The following GRM2 variants were observed in gnomAD, a reference collection of about 807,000 sequenced individuals.
The protein encoded by GRM2 is glutamate metabotropic receptor 2.
A neutral mutation model predicts 60.4 loss-of-function variants in GRM2; 35 were observed. That is an observed-to-expected ratio of 0.58 (90% CI 0.44 to 0.77). GRM2 has a LOEUF of 0.77. GRM2 is among the 30% of genes least tolerant of loss of function. The pLI is 0.00. For synonymous variants in GRM2, 437 were observed against 484.1 expected, an observed-to-expected ratio of 0.90 and a Z score of 1.28; for missense variants, 925 against 1,199.5, an observed-to-expected ratio of 0.77 and a Z score of 3.38.
chr3:51,712,882 C>T lies in GRM2; in HGVS notation c.860C>T (p.Ala287Val), dbSNP rs973355460. 4 of 1,613,010 alleles carry T rather than the reference C, an allele frequency of 2.5e-6. No individual in the cohort carries two copies. The highest frequency in any genetic ancestry group is 3.4e-6 in the Non-Finnish European group (4 of 1,180,026). The change falls in exon 3 of 6, where the codon GCC becomes GTC. Residue 287 changes from alanine to valine, a missense_variant. Coordinates refer to ENST00000395052, the MANE Select transcript of GRM2 (RefSeq NM_000839.5). This position sits in a 1 kb window ranked among gnomAD's most constrained non-coding sequence, Gnocchi z 5.3. ...CTTGCTGCCAGCCAGCGCCTCAATG[C>T]CAGCTTCACCTGGGTGGCCAGTGAT... ...ELLAASQRLN[A>V]SFTWVASDGW...
At position 51,713,837 on chromosome 3, in the gene GRM2, G is replaced by T; in HGVS notation, c.1288+527G>T. The stretch of plus-strand genomic sequence containing the variant: ...AGTGGTTATTCACAGGCACAATACA[G>T]CCTCCAACTCCTGGGCTCAAGCGAT... On this transcript the variant is annotated intron_variant, in intron 3 of 5. Transcript: ENST00000395052. The surrounding 1 kb of genome is among the most constrained non-coding windows in gnomAD (Gnocchi z 4.8). 1 of 339,184 alleles carries T rather than the reference G, an allele frequency of 2.9e-6. No homozygotes were observed. Among genetic ancestry groups the T allele is most frequent in the Non-Finnish European group, 6.0e-6 (1 of 166,212 alleles). The allele number at this position is 339,184 out of a possible 1,614,324, so 21.0% of individuals were successfully genotyped here.
At position 51,713,670 on chromosome 3, in the gene GRM2, G is replaced by T. The variant is rs553002541; in HGVS notation, c.1288+360G>T. Reference sequence around the variant, plus strand: ...CCAAGAGTTAGAATCAGTCTGGCTTGAGGGTGAGCATCAGGATGACGCTCT... The same window carrying T: ...CCAAGAGTTAGAATCAGTCTGGCTTTAGGGTGAGCATCAGGATGACGCTCT... On this transcript the variant is annotated intron_variant, in intron 3 of 5. Transcript: ENST00000395052. This position sits in a 1 kb window ranked among gnomAD's most constrained non-coding sequence, Gnocchi z 4.8. 1.1e-4 allele frequency: 36 copies of T among 329,384 alleles called. No homozygotes were observed. The South Asian group carries it at 1.5e-3, about 14-fold the overall frequency. The allele number at this position is 329,384 out of a possible 1,614,324, so 20.4% of individuals were successfully genotyped here. A position where few individuals can be genotyped will look rare whatever the true frequency, so the allele number is the denominator to read the frequency against.
rs1181365335 is a variant in GRM2, at chr3:51,713,826, G to T, written c.1288+516G>T. 1 of 297,454 alleles carries T rather than the reference G, an allele frequency of 3.4e-6. No homozygotes were observed. The highest frequency in any genetic ancestry group is 6.8e-6 in the Non-Finnish European group (1 of 146,136). 18.4% of individuals were successfully genotyped at this position (297,454 alleles called of 1,614,324 possible). ...GGCTGGAGTGCAGTGGTTATTCACA[G>T]GCACAATACAGCCTCCAACTCCTGG... is the stretch of plus-strand genomic sequence containing the variant. On this transcript the variant is annotated intron_variant, in intron 3 of 5. Transcript: ENST00000395052. The surrounding 1 kb of genome is among the most constrained non-coding windows in gnomAD (Gnocchi z 4.8).
chr3:51,715,963 C>T lies in GRM2; in HGVS notation c.2190C>T (p.Gly730=), dbSNP rs144440968. Residue 730 remains glycine, a synonymous_variant, in exon 4 of 6, where the codon GGC becomes GGT. Coordinates refer to ENST00000395052, the MANE Select transcript of GRM2 (RefSeq NM_000839.5). This position sits in a 1 kb window ranked among gnomAD's most constrained non-coding sequence, Gnocchi z 9.0. ...RCNHRDASML[G]SLAYNVLLIA... is the part of the protein sequence containing the mutation. ...ACCACCGCGATGCAAGTATGTTGGG[C>T]TCGCTGGCCTACAATGTGCTCCTCA... 141 of 1,614,162 alleles carry T rather than the reference C, an allele frequency of 8.7e-5. 1 individual carries two copies. In the East Asian group the frequency reaches 2.7e-3, roughly 30 times the overall value.
chr3:51,710,092 T>G (rs1703659973), intron 2 of GRM2, among the ~76,000 whole-genome samples: 1 of 151,544 alleles, frequency 6.6e-6, no homozygotes, highest in South Asian at 2.1e-4. Flanking sequence ...CGGGTTTAAG[T>G]GATTCTCCTG....
intron 2 of GRM2, among the ~76,000 whole-genome samples, chr3:51,709,717 C>A (rs1409654021): frequency 0.12 from 3 of 26 alleles, no homozygotes; most frequent in African/African-American, 0.21. Context: ...ACACAGCCCC[C>A]CACACACCCA....
Position 51,713,520 on chromosome 3 carries a change from C to A in GRM2, c.1288+210C>A. The A allele has an allele frequency of 1.8e-6, 1 of 558,766 alleles. No homozygotes were observed. The highest frequency in any genetic ancestry group is 3.2e-6 in the Non-Finnish European group (1 of 314,294). The allele number at this position is 558,766 out of a possible 1,614,324, so 34.6% of individuals were successfully genotyped here. A position where few individuals can be genotyped will look rare whatever the true frequency, so the allele number is the denominator to read the frequency against. ...GTTCCACTTTCTTCCAGAGAGTAGA[C>A]CTCTGGCCTGGTCCCGCCATTTTGA... On this transcript the variant is annotated intron_variant, in intron 3 of 5. Transcript: ENST00000395052. This position sits in a 1 kb window ranked among gnomAD's most constrained non-coding sequence, Gnocchi z 4.8.
intron 2 of GRM2, among the ~76,000 whole-genome samples, chr3:51,709,830 GACACACACACCCTCACAC>G (rs1432186662): frequency 1.3e-4 from 1 of 7,488 alleles, no homozygotes; most frequent in Non-Finnish European, 2.4e-4. Context: ...CACACACCCA[GACACACACACCCTCACAC>G]ACACACACAC....
At position 51,712,399 on chromosome 3, in the gene GRM2, T is replaced by G. The variant is rs577276870; in HGVS notation, c.451-74T>G. ...GTGGACACTTGACACCAAGACCTGC[T>G]AGCTGTGGGGGATGCACCTGTCTCT... On this transcript the variant is annotated intron_variant, in intron 2 of 5. Transcript: ENST00000395052. This position sits in a 1 kb window ranked among gnomAD's most constrained non-coding sequence, Gnocchi z 5.3. The G allele has an allele frequency of 4.1e-5, 40 of 968,440 alleles. No homozygotes were observed. In the South Asian group the frequency reaches 5.7e-4, roughly 14 times the overall value. The allele number at this position is 968,440 out of a possible 1,614,324, so 60.0% of individuals were successfully genotyped here.
In GRM2 at chr3:51,716,389, G is replaced by C. The variant is rs1703899553; in HGVS notation, c.2364+252G>C. 6.6e-6 allele frequency among the ~76,000 whole-genome samples: 1 copy of C among 152,178 alleles called. No individual in the cohort carries two copies. Among genetic ancestry groups the C allele is most frequent in the Admixed American group, 6.5e-5 (1 of 15,278 alleles). ...TTGAATGTCATCCCCTATCCTGGAA[G>C]GTGATGGGGGTGCAGAAATATGTTC... On this transcript the variant is annotated intron_variant, in intron 4 of 5. Coordinates refer to ENST00000395052, the MANE Select transcript of GRM2 (RefSeq NM_000839.5). The surrounding 1 kb of genome is among the most constrained non-coding windows in gnomAD (Gnocchi z 4.0).
chr3:51,708,616 T>C, intron 1 of GRM2: 1 of 195,862 alleles, frequency 5.1e-6, no homozygotes, highest in Non-Finnish European at 1.0e-5. Flanking sequence ...TCCCCACTGC[T>C]GAGTTTGGTA....
Position 51,713,431 on chromosome 3 carries a change from G to C in GRM2, c.1288+121G>C, listed in dbSNP as rs1201091386. 1 of 730,518 alleles carries C rather than the reference G, an allele frequency of 1.4e-6. No individual in the cohort carries two copies. The highest frequency in any genetic ancestry group is 2.8e-5 in the Admixed American group (1 of 35,952). The allele number at this position is 730,518 out of a possible 1,614,324, so 45.3% of individuals were successfully genotyped here. On this transcript the variant is annotated intron_variant, in intron 3 of 5. Coordinates refer to ENST00000395052, the MANE Select transcript of GRM2 (RefSeq NM_000839.5). This position sits in a 1 kb window ranked among gnomAD's most constrained non-coding sequence, Gnocchi z 4.8. ...GAGTGAAAGTAAAGGACTCACCTGG[G>C]GTGGCGTCAGAGCAAGGGCAAGGAT...
Position 51,713,956 on chromosome 3 carries a change from C to T in GRM2, c.1288+646C>T, listed in dbSNP as rs780339586. On this transcript the variant is annotated intron_variant, in intron 3 of 5. Coordinates refer to ENST00000395052, the MANE Select transcript of GRM2 (RefSeq NM_000839.5). This position sits in a 1 kb window ranked among gnomAD's most constrained non-coding sequence, Gnocchi z 4.8. ...ATTTCTATTCCTAATCTTGATTTTC[C>T]ACTCAAGGTGACCTGAAAGTCTCCT... 4.4e-6 allele frequency: 2 copies of T among 454,580 alleles called. No homozygotes were observed. Among genetic ancestry groups the T allele is most frequent in the Admixed American group, 2.4e-5 (1 of 42,354 alleles). The allele number at this position is 454,580 out of a possible 1,614,324, so 28.2% of individuals were successfully genotyped here.
In GRM2 at chr3:51,715,051, C is replaced by G. The variant is rs202116019; in HGVS notation, c.1289-11C>G. On this transcript the variant is annotated splice_polypyrimidine_tract_variant and intron_variant, in intron 3 of 5. Coordinates refer to ENST00000395052, the MANE Select transcript of GRM2 (RefSeq NM_000839.5). This position sits in a 1 kb window ranked among gnomAD's most constrained non-coding sequence, Gnocchi z 9.0. ...AGTCCAACCTTCTCTTCCTTCCCTC[C>G]CCCATCCTAGCCCCCTTTCGCCCAG... 1.3e-6 allele frequency: 2 copies of G among 1,510,648 alleles called. No individual in the cohort carries two copies. Among genetic ancestry groups the G allele is most frequent in the Non-Finnish European group, 1.8e-6 (2 of 1,115,056 alleles). The allele number at this position is 1,510,648 out of a possible 1,614,324, so 93.6% of individuals were successfully genotyped here. A position where few individuals can be genotyped will look rare whatever the true frequency, so the allele number is the denominator to read the frequency against.
chr3:51,707,791 C>CA (rs1703561547), intron 1 of GRM2: 1 of 152,346 alleles, frequency 6.6e-6, no homozygotes, highest in African/African-American at 2.4e-5. Flanking sequence ...TCTTCAAACT[C>CA]AGTTTCCTTT....
Position 51,715,907 on chromosome 3 carries a change from G to A in GRM2, c.2134G>A (p.Glu712Lys), listed in dbSNP as rs761266932. 5.6e-6 allele frequency: 9 copies of A among 1,613,524 alleles called. No individual in the cohort carries two copies. Among genetic ancestry groups the A allele is most frequent in the South Asian group, 2.2e-5 (2 of 91,080 alleles). The change falls in exon 4 of 6, where the codon GAA becomes AAA. Residue 712 changes from glutamate (E) to lysine (K), a missense_variant. Transcript: ENST00000395052. The surrounding 1 kb of genome is among the most constrained non-coding windows in gnomAD (Gnocchi z 9.0). ...APGTGKETAP[E>K]RREVVTLRCN... is the part of the protein sequence containing the mutation. The stretch of plus-strand genomic sequence containing the variant: ...GGGCACAGGCAAGGAGACAGCCCCC[G>A]AACGGCGGGAGGTGGTGACACTGCG...
intron 2 of GRM2, among the ~76,000 whole-genome samples, chr3:51,709,679 CA>C: frequency 2.1e-5 from 1 of 48,238 alleles, no homozygotes. Flanking sequence ...CACACACACA[CA>C]CACACCCCAC....
At position 51,709,091 on chromosome 3, in the gene GRM2, G is replaced by A. The variant is rs1703600253; in HGVS notation, c.108G>A (p.Gly36=). The A allele has an allele frequency of 1.7e-5, 28 of 1,609,952 alleles. No homozygotes were observed. Among genetic ancestry groups the A allele is most frequent in the Non-Finnish European group, 2.4e-5 (28 of 1,177,198 alleles). The change falls in exon 2 of 6, where the codon GGG becomes GGA. Residue 36 remains glycine (G), a synonymous_variant. Coordinates refer to ENST00000395052, the MANE Select transcript of GRM2 (RefSeq NM_000839.5). ...TGGAGGGAGACTTGGTGCTGGGTGG[G>A]CTGTTCCCAGTGCACCAGAAGGGCG... is the stretch of plus-strand genomic sequence containing the variant. The part of the protein sequence containing the change: ...LTLEGDLVLG[G]LFPVHQKGGP...
chr3:51,718,353 G>A lies in GRM2; in HGVS notation c.*241G>A, dbSNP rs1703977087. On this transcript the variant is annotated 3_prime_UTR_variant, in exon 6 of 6. Coordinates refer to ENST00000395052, the MANE Select transcript of GRM2 (RefSeq NM_000839.5). The surrounding 1 kb of genome is among the most constrained non-coding windows in gnomAD (Gnocchi z 4.2). ...TGTAGCTGTGTTTCCTCCTGGCCAG[G>A]CCCAGGGCTCAGAGAGGAGCAAGCC... 2 of 548,544 alleles carry A rather than the reference G, an allele frequency of 3.6e-6. No individual in the cohort carries two copies. The highest frequency in any genetic ancestry group is 2.0e-5 in the South Asian group (1 of 49,146). The allele number at this position is 548,544 out of a possible 1,614,324, so 34.0% of individuals were successfully genotyped here. A position where few individuals can be genotyped will look rare whatever the true frequency, so the allele number is the denominator to read the frequency against.
Sources: gnomAD v4.1 joint callset for allele counts (sites outside exome capture counted in the v4.1 genomes callset) on GRCh38, gnomAD v4.1.1 for gene constraint, Gnocchi (gnomAD v3.1) non-coding constraint, MANE v1.5 for transcripts, NCBI Gene and HGNC (gene_info 2026-07-23, HGNC 2026-07-21) for gene names.